Variants in INF2 observed in about 807,000 individuals in gnomAD.
INF2 encodes inverted formin-2.
INF2 carries 43 observed loss-of-function variants against 123.5 expected under a neutral mutation model. The ratio of observed to expected loss-of-function variants is 0.35; its 90% CI spans 0.27 to 0.45. The LOEUF is 0.45. Ranked by LOEUF, INF2 falls within the 20% of genes least tolerant of loss-of-function variation. The probability of loss-of-function intolerance (pLI) is 1.00; values close to 1 mark genes in which losing one functional copy is unlikely to be tolerated. For synonymous variants in INF2, 851 were observed against 745.0 expected, an observed-to-expected ratio of 1.14 and a Z score of -2.32; for missense variants, 1,453 against 1,682.7, an observed-to-expected ratio of 0.86 and a Z score of 2.39.
At chr14:104,718,770 A>C (rs1395255457) in intron 22 of INF2, 25 bp from the exon 23 acceptor site, 1 of 1,612,286 alleles carries the variant, frequency 6.2e-7, no homozygotes. Flanking sequence ...GCTCCTAATA[A>C]TGTCATTTTT....
At chr14:104,712,718 C>T (rs979042566) in intron 17 of INF2, 110 bp from the exon 18 acceptor site, 40 of 1,465,136 alleles carry the variant, frequency 2.7e-5, no homozygotes, top group Non-Finnish European at 3.5e-5. Context: ...CAGAGACCAC[C>T]GTCCTCAGGG....
intron 19 of INF2, 31 bp from the exon 20 acceptor site, chr14:104,713,414 T>C: frequency 6.2e-7 from 1 of 1,601,506 alleles, no homozygotes. Flanking sequence ...CAGGGTCCCA[T>C]GCCGCTCTCT....
At chr14:104,714,105 T>C in intron 20 of INF2, 98 bp from the exon 21 acceptor site, 1 of 1,103,162 alleles carries the variant, frequency 9.1e-7, no homozygotes, top group Non-Finnish European at 1.3e-6. Flanking sequence ...GAGGAGGTTT[T>C]GCAGGGCGTT....
rs1889607839 is a variant in INF2 at position 104,703,160 on chromosome 14, C to T, written c.447C>T (p.Ala149=). 6.2e-7 allele frequency: 1 copy of T among 1,613,508 alleles called. No individual in the cohort carries two copies. Among genetic ancestry groups the T allele is most frequent in the Admixed American group, 1.7e-5 (1 of 60,006 alleles). The change falls in exon 3 of 23, where the codon GCC becomes GCT. Residue 149 remains alanine, a synonymous_variant. Transcript: ENST00000392634. ...AGCAGGTGTTTGAGCTACTGGCTGCCCTGTGCATCTACTCTCCCGAGGGCC... is the reference window on the plus strand; with the variant it reads ...AGCAGGTGTTTGAGCTACTGGCTGCTCTGTGCATCTACTCTCCCGAGGGCC... ...VKKQVFELLA[A]LCIYSPEGHV...
chr14:104,704,803 A>G (rs193021052), intron 5 of INF2: 238 of 152,360 alleles, frequency 1.6e-3, no homozygotes, highest in Non-Finnish European at 2.0e-3. Context: ...ATTTTTTAAA[A>G]AAGAAACTAG....
At position 104,709,659 on chromosome 14, in the gene INF2, C is replaced by T. The variant is rs1251951723; in HGVS notation, c.2092C>T (p.Leu698=). The change falls in exon 12 of 23, where the codon CTG becomes TTG. Residue 698 remains leucine (L), a synonymous_variant. Coordinates refer to ENST00000392634, the MANE Select transcript of INF2 (RefSeq NM_022489.4). ...LRAFTEERAK[L]ASADHFYLLL... is the part of the protein sequence containing the mutation. The stretch of plus-strand genomic sequence containing the variant: ...GGCATTCACAGAGGAGCGAGCCAAG[C>T]TGGCCAGCGCCGACCACTTCTACCT... The T allele has an allele frequency of 6.2e-7, 1 of 1,612,742 alleles. No individual in the cohort carries two copies. The highest frequency in any genetic ancestry group is 1.3e-5 in the African/African-American group (1 of 75,054).
chr14:104,713,415 G>A (rs1347038748), intron 19 of INF2, 30 bp from the exon 20 acceptor site: 1 of 1,601,918 alleles, frequency 6.2e-7, no homozygotes. Flanking sequence ...AGGGTCCCAT[G>A]CCGCTCTCTG....
Position 104,699,135 on chromosome 14 carries a change from G to T in INF2, c.-9-2222G>T, listed in dbSNP as rs1889346590. On this transcript the variant is annotated intron_variant, in intron 1 of 22. Transcript: ENST00000392634. This position sits in a 1 kb window ranked among gnomAD's most constrained non-coding sequence, Gnocchi z 4.7. ...GTCCAGGGACACCCTGGGGCCTGGG[G>T]CACGGTGGCTCTCGGCGGCACTGCT... is the stretch of plus-strand genomic sequence containing the variant. Among the ~76,000 whole-genome samples, 1 of 152,052 alleles carries T rather than the reference G, an allele frequency of 6.6e-6. No individual in the cohort carries two copies. Among genetic ancestry groups the T allele is most frequent in the Non-Finnish European group, 1.5e-5 (1 of 68,000 alleles).
chr14:104,707,695 A>G lies in INF2; in HGVS notation c.1428A>G (p.Leu476=), dbSNP rs765740200. The change falls in exon 8 of 23, where the codon CTA becomes CTG. Residue 476 remains leucine, a synonymous_variant. Coordinates refer to ENST00000392634, the MANE Select transcript of INF2 (RefSeq NM_022489.4). The part of the protein sequence containing the change: ...LGAMAPPAPP[L]PPPLPGSCEF... The stretch of plus-strand genomic sequence containing the variant: ...CCATGGCCCCCCCAGCACCTCCTCT[A>G]CCACCACCCCTGCCAGGCTCCTGTG... 86 of 872,338 alleles carry G rather than the reference A, an allele frequency of 9.9e-5. No individual in the cohort carries two copies. Among genetic ancestry groups the G allele is most frequent in the Middle Eastern group, 3.8e-4 (1 of 2,614 alleles). The allele number at this position is 872,338 out of a possible 1,614,324, so 54.0% of individuals were successfully genotyped here.
At chr14:104,692,102 G>A (rs904209344) in intron 1 of INF2, among the ~76,000 whole-genome samples, 11 of 152,034 alleles carry the variant, frequency 7.2e-5, no homozygotes, top group Non-Finnish European at 1.3e-4. Flanking sequence ...GCCTCAGGCC[G>A]GGTCTGTCCA....
intron 4 of INF2, 29 bp from the exon 5 acceptor site, chr14:104,703,887 A>G (rs1398764902): frequency 1.9e-6 from 3 of 1,610,572 alleles, no homozygotes; most frequent in South Asian, 2.2e-5. Flanking sequence ...TGGCCTCCGA[A>G]CCCTCTGACC....
At chr14:104,702,302 C>T (rs1023985288) in intron 2 of INF2, among the ~76,000 whole-genome samples, 17 of 152,214 alleles carry the variant, frequency 1.1e-4, no homozygotes, top group Admixed American at 2.0e-4. Context: ...GACTCGTTCC[C>T]GGCAGGCAGG....
chr14:104,709,197 A>G (rs1183895340), intron 10 of INF2, 84 bp from the exon 11 acceptor site: 3 of 1,061,022 alleles, frequency 2.8e-6, no homozygotes, highest in Non-Finnish European at 4.3e-6. Context: ...ACGTGGGGAA[A>G]CCCTGCCAGG....
intron 1 of INF2, among the ~76,000 whole-genome samples, chr14:104,696,865 C>G (rs992529014): frequency 5.3e-5 from 8 of 151,958 alleles, no homozygotes; most frequent in African/African-American, 1.9e-4. Context: ...TGGCTCAGGG[C>G]CCAGAAGCAC....
At position 104,703,227 on chromosome 14, in the gene INF2, G is replaced by A. The variant is rs201568246; in HGVS notation, c.507+7G>A. ...CGCCCTGGACCACTACAAGGTGGGC[G>A]GCAGGGCCTGGGCCTGGGCACATGG... is the stretch of plus-strand genomic sequence containing the variant. On this transcript the variant is annotated splice_region_variant and intron_variant, in intron 3 of 22. Transcript: ENST00000392634. 2,256 of 1,613,076 alleles carry A rather than the reference G, an allele frequency of 1.4e-3. 3 individuals carry two copies. The highest frequency in any genetic ancestry group is 1.7e-3 in the Non-Finnish European group (2,047 of 1,179,822).
Position 104,714,704 on chromosome 14 carries a change from C to T in INF2, c.3542C>T (p.Pro1181Leu). The T allele has an allele frequency of 2.5e-6, 4 of 1,610,338 alleles. No homozygotes were observed. The highest frequency in any genetic ancestry group is 3.4e-6 in the Non-Finnish European group (4 of 1,178,294). ...GACGAGGACGAGGAGGACACGGCCC[C>T]AGAGTCCGCACTGGACACATCCCTG... ...DEDEDEEDTA[P>L]ESALDTSLDK... Residue 1181 changes from proline (P) to leucine (L), a missense_variant, in exon 21 of 23, where the codon CCA (proline) becomes CTA (leucine). Around this residue, in one of 8 missense-constraint regions of INF2, gnomAD observed 344 missense variants for 333.1 expected, o/e 1.03. Coordinates refer to ENST00000392634, the MANE Select transcript of INF2 (RefSeq NM_022489.4).
At chr14:104,704,286 C>A in intron 5 of INF2, 1 of 898,872 alleles carries the variant, frequency 1.1e-6, no homozygotes, top group Non-Finnish European at 1.6e-6. Context: ...TAAGAGGGAA[C>A]TACAGGGTGG....
At chr14:104,683,964 T>G in intron 1 of INF2, 1 of 445,982 alleles carries the variant, frequency 2.2e-6, no homozygotes, top group Non-Finnish European at 4.5e-6. Context: ...TTCCCTGCTC[T>G]CAAAGGAGCA....
rs535337255 is a variant in INF2, at chr14:104,711,573, A to G, written c.2419-56A>G. 15 of 1,501,874 alleles carry G rather than the reference A, an allele frequency of 1.0e-5. 1 individual carries two copies. The Admixed American group carries it at 2.0e-4, about 20-fold the overall frequency. 93.0% of individuals were successfully genotyped at this position (1,501,874 alleles called of 1,614,324 possible). The stretch of plus-strand genomic sequence containing the variant: ...GAGCTGGGGGAGTGGGAACAGGGTC[A>G]TCCCCAGGTGGAGAGTATGACCACA... On this transcript the variant is annotated intron_variant, in intron 15 of 22. Transcript: ENST00000392634.
Sources: gnomAD v4.1 joint callset for allele counts (sites outside exome capture counted in the v4.1 genomes callset) on GRCh38, gnomAD v4.1.1 for gene constraint, gnomAD v4.1.1 regional missense constraint, Gnocchi (gnomAD v3.1) non-coding constraint, MANE v1.5 for transcripts, NCBI Gene and HGNC (gene_info 2026-07-23, HGNC 2026-07-21) for gene names.